Variants in DMD observed in about 807,000 individuals in gnomAD.
DMD encodes the protein dystrophin.
DMD carries 63 observed loss-of-function variants against 330.1 expected under a neutral mutation model. The ratio of observed to expected loss-of-function variants is 0.19; its 90% confidence interval spans 0.16 to 0.24. The LOEUF is 0.24. Among genes scored for constraint, DMD ranks in the 10% least tolerant of loss-of-function variants. The pLI is 1.00. For missense variants in DMD, 3,344 were observed against 2,684.1 expected (o/e 1.25, Z -5.43); for synonymous variants, 1,223 against 959.8 (o/e 1.27, Z -5.07).
chrX:33,093,139 T>C (rs2095108752), intron 1 of DMD, among the ~76,000 whole-genome samples: 1 of 111,789 alleles, frequency 8.9e-6, no homozygotes, highest in Non-Finnish European at 1.9e-5. Context: ...CCTCCCAAAG[T>C]GTTGGGATTA....
At chrX:31,489,294 C>A (rs1277918819) in intron 57 of DMD, among the ~76,000 whole-genome samples, 2 of 111,770 alleles carry the variant, frequency 1.8e-5, no homozygotes, top group Non-Finnish European at 3.8e-5. Flanking sequence ...GCACGTGTCA[C>A]CACGCCCAGC....
intron 44 of DMD, among the ~76,000 whole-genome samples, chrX:32,043,187 A>T (rs777863415): frequency 8.9e-6 from 1 of 111,868 alleles, no homozygotes; most frequent in Non-Finnish European, 1.9e-5. Flanking sequence ...TCACAAAGAT[A>T]AAAAACCCAT....
At chrX:32,228,058 G>T (rs767233074) in intron 43 of DMD, among the ~76,000 whole-genome samples, 20 of 111,237 alleles carry the variant, frequency 1.8e-4, no homozygotes, top group Non-Finnish European at 3.8e-4. Context: ...GGGCTAAGGG[G>T]ACCTTAATTA....
In DMD at chrX:33,082,212, C is replaced by T. The variant is rs184502614; in HGVS notation, c.32-62012G>A. ...TTAAATATATCTATAGCTTGTTTAT[C>T]CACTCTTAATTAAGCTGACTTTTAA... On this transcript the variant is annotated intron_variant, in intron 1 of 78. Transcript: ENST00000357033. Among the ~76,000 whole-genome samples the T allele has an allele frequency of 7.0e-3, 784 of 111,813 alleles. 7 individuals are homozygous for T. The highest frequency in any genetic ancestry group is 0.024 in the African/African-American group (755 of 30,855).
At chrX:33,131,838 G>A (rs904183691) in intron 1 of DMD, among the ~76,000 whole-genome samples, 2 of 111,936 alleles carry the variant, frequency 1.8e-5, no homozygotes, top group African/African-American at 3.2e-5. Flanking sequence ...CTGTGGTTGC[G>A]CATTAAATCT....
chrX:31,699,164 C>T (rs1316012581), intron 52 of DMD, among the ~76,000 whole-genome samples: 1 of 112,054 alleles, frequency 8.9e-6, no homozygotes, highest in Non-Finnish European at 1.9e-5. Context: ...CGTAAATAGG[C>T]AATCGTGTAC....
chrX:32,188,329 A>T (rs1367345269), intron 44 of DMD, among the ~76,000 whole-genome samples: 1 of 107,880 alleles, frequency 9.3e-6, no homozygotes, highest in Non-Finnish European at 1.9e-5. Context: ...TGCCAATTTT[A>T]TGTTTTAAGT....
intron 17 of DMD, among the ~76,000 whole-genome samples, chrX:32,539,629 C>G (rs989513408): frequency 9.0e-6 from 1 of 111,396 alleles, no homozygotes; most frequent in African/African-American, 3.3e-5. Context: ...AAGTTATAAT[C>G]AATATCTAAA....
intron 54 of DMD, among the ~76,000 whole-genome samples, chrX:31,647,959 T>A (rs772344079): frequency 8.9e-6 from 1 of 112,465 alleles, no homozygotes; most frequent in African/African-American, 3.2e-5. Flanking sequence ...ACAGACGGAA[T>A]GACCACAGCA....
At chrX:32,292,918 G>T (rs1020801901) in intron 42 of DMD, among the ~76,000 whole-genome samples, 1 of 112,299 alleles carries the variant, frequency 8.9e-6, no homozygotes, top group African/African-American at 3.2e-5. Context: ...CTGTGTTCTC[G>T]TGTCTTATTT....
intron 49 of DMD, among the ~76,000 whole-genome samples, chrX:31,835,777 T>C (rs1257237066): frequency 8.9e-6 from 1 of 111,849 alleles, no homozygotes; most frequent in Non-Finnish European, 1.9e-5. Flanking sequence ...ATGGTAATGT[T>C]GTTTGCAAGG....
intron 17 of DMD, among the ~76,000 whole-genome samples, chrX:32,522,415 A>G (rs1217919156): frequency 8.9e-6 from 1 of 112,214 alleles, no homozygotes; most frequent in Non-Finnish European, 1.9e-5. Flanking sequence ...GTGATAATTT[A>G]ACATATCCGT....
rs776570515 is a variant in DMD at position 31,478,207 on chromosome X, G to A, written c.8836C>T (p.Leu2946=). Residue 2946 remains leucine (L), a synonymous_variant, in exon 59 of 79, where the codon CTG becomes TTG. Transcript: ENST00000357033. ...LRELQEATDE[L]DLKLRQAEVI... Reference sequence around the variant, plus strand: ...TCAGCTTGGCGCAGCTTGAGGTCCAGCTCATCCGTGGCCTCTTGAAGTTCC... The same window carrying A: ...TCAGCTTGGCGCAGCTTGAGGTCCAACTCATCCGTGGCCTCTTGAAGTTCC... 6 of 1,208,912 alleles carry A rather than the reference G, an allele frequency of 5.0e-6. No homozygotes were observed. In the South Asian group the frequency reaches 7.1e-5, roughly 14 times the overall value.
At chrX:33,314,060 G>T (rs1257565909) in intron 1 of DMD, among the ~76,000 whole-genome samples, 2 of 108,355 alleles carry the variant, frequency 1.8e-5, no homozygotes, top group Non-Finnish European at 3.8e-5. Flanking sequence ...GTGCCTTGAG[G>T]TTAAGATGTA....
intron 2 of DMD, among the ~76,000 whole-genome samples, chrX:32,901,202 T>A (rs2086209509): frequency 8.9e-6 from 1 of 111,843 alleles, no homozygotes; most frequent in Non-Finnish European, 1.9e-5. Flanking sequence ...GAAGTGTATA[T>A]TATACAAATG....
intron 57 of DMD, among the ~76,000 whole-genome samples, chrX:31,488,509 C>T (rs1247939385): frequency 8.9e-6 from 1 of 111,759 alleles, no homozygotes; most frequent in Non-Finnish European, 1.9e-5. Context: ...TAAGCACATA[C>T]ACTCAAACGT....
intron 60 of DMD, among the ~76,000 whole-genome samples, chrX:31,389,208 T>C (rs2060589702): frequency 8.9e-6 from 1 of 112,120 alleles, no homozygotes; most frequent in Admixed American, 9.5e-5. Context: ...GGCATATTCT[T>C]ATTTTAAGCC....
intron 9 of DMD, among the ~76,000 whole-genome samples, chrX:32,647,979 A>C (rs950741559): frequency 1.8e-5 from 2 of 112,119 alleles, no homozygotes; most frequent in African/African-American, 6.5e-5. Context: ...ATCATTAACT[A>C]TCTTGAGTTC....
At chrX:32,873,799 T>C (rs2149159512) in intron 2 of DMD, among the ~76,000 whole-genome samples, 1 of 112,230 alleles carries the variant, frequency 8.9e-6, no homozygotes, top group Non-Finnish European at 1.9e-5. Context: ...TGCCATCAAA[T>C]AAAAGGAAAG....
Sources: gnomAD v4.1 joint callset for allele counts (sites outside exome capture counted in the v4.1 genomes callset) on GRCh38, gnomAD v4.1.1 for gene constraint, MANE v1.5 for transcripts, NCBI Gene and HGNC (gene_info 2026-07-23, HGNC 2026-07-21) for gene names.